Variants in MTA3 observed in about 807,000 individuals in gnomAD.
MTA3 encodes the protein metastasis-associated protein MTA3.
MTA3 carries 34 observed loss-of-function variants against 83.5 expected under a neutral mutation model. The ratio of observed to expected loss-of-function variants is 0.41; its 90% confidence interval spans 0.31 to 0.54. The LOEUF (loss-of-function observed/expected upper bound fraction) is 0.54, where lower values mean the gene tolerates loss of function less well. Ranked by LOEUF, MTA3 falls within the 20% of genes least tolerant of loss-of-function variation. MTA3 has a pLI of 0.33. For missense variants in MTA3, 761 were observed against 726.4 expected (o/e 1.05, Z -0.55); for synonymous variants, 303 against 252.7 (o/e 1.20, Z -1.89).
At position 42,644,311 on chromosome 2, in the gene MTA3, C is replaced by G. The variant is rs1203667796; in HGVS notation, c.499+67C>G. On this transcript the variant is annotated intron_variant, in intron 6 of 16. Coordinates refer to ENST00000405094, the MANE Select transcript of MTA3 (RefSeq NM_001330442.2). ...ATCTTGAAACTCAAATATACATGTC[C>G]TCATGTAGAAGAGGCAATGTTCAGG... The G allele has an allele frequency of 2.6e-5, 26 of 1,017,594 alleles. No individual in the cohort carries two copies. The Admixed American group carries it at 4.6e-4, about 18-fold the overall frequency. The allele number at this position is 1,017,594 out of a possible 1,614,324, so 63.0% of individuals were successfully genotyped here.
At chr2:42,573,446 A>C (rs1191371191) in intron 2 of MTA3, among the ~76,000 whole-genome samples, 1 of 152,146 alleles carries the variant, frequency 6.6e-6, no homozygotes, top group African/African-American at 2.4e-5. Context: ...CCTGGACTCA[A>C]AGCAGTCCTC....
intron 3 of MTA3, among the ~76,000 whole-genome samples, chr2:42,584,584 A>G (rs1336579766): frequency 6.6e-6 from 1 of 150,998 alleles, no homozygotes; most frequent in African/African-American, 2.4e-5. Context: ...TCTGTTGCCC[A>G]TAGTTGAATA....
chr2:42,577,292 G>T (rs932106070), intron 2 of MTA3, among the ~76,000 whole-genome samples: 1 of 151,512 alleles, frequency 6.6e-6, no homozygotes, highest in Non-Finnish European at 1.5e-5. Flanking sequence ...GAGGGGAAGA[G>T]GAATATGGTA....
intron 14 of MTA3, among the ~76,000 whole-genome samples, chr2:42,717,164 T>C (rs1302720659): frequency 7.6e-6 from 1 of 131,362 alleles, no homozygotes; most frequent in Non-Finnish European, 1.6e-5. Context: ...GTGAAAGGGC[T>C]AGAACTCATA....
At chr2:42,651,066 G>T (rs1257349463) in intron 6 of MTA3, among the ~76,000 whole-genome samples, 1 of 152,160 alleles carries the variant, frequency 6.6e-6, no homozygotes, top group Non-Finnish European at 1.5e-5. Context: ...TGTACAGCAT[G>T]TTACTATACT....
intron 9 of MTA3, among the ~76,000 whole-genome samples, chr2:42,691,212 A>G (rs1200605973): frequency 1.3e-5 from 2 of 151,920 alleles, no homozygotes; most frequent in Admixed American, 6.6e-5. Context: ...GGGTTTCACC[A>G]TGTTGGCCAG....
intron 8 of MTA3, among the ~76,000 whole-genome samples, chr2:42,681,067 C>G (rs1691852615): frequency 6.6e-6 from 1 of 152,150 alleles, no homozygotes; most frequent in African/African-American, 2.4e-5. Flanking sequence ...TAAGCTAGAC[C>G]TAAGTAACTT....
At chr2:42,723,291 G>T in intron 16 of MTA3, 1 of 443,470 alleles carries the variant, frequency 2.3e-6, no homozygotes, top group Non-Finnish European at 4.1e-6. Context: ...GTATTTAGCA[G>T]ATTGCTTCTG....
chr2:42,495,239 G>T (rs1350817734), exon 2 of MTA3: 4 of 152,412 alleles, frequency 2.6e-5, no homozygotes, highest in African/African-American at 9.7e-5. Context: ...TAGTGAAAAG[G>T]CAGACAACTG....
chr2:42,521,714 G>T (rs1240567172), intron 2 of MTA3, among the ~76,000 whole-genome samples: 1 of 149,926 alleles, frequency 6.7e-6, no homozygotes, highest in African/African-American at 2.5e-5. Context: ...AATCTAGGCT[G>T]GATAGTGTCC....
chr2:42,742,379 T>G (rs995689962), intron 16 of MTA3, among the ~76,000 whole-genome samples: 2 of 152,184 alleles, frequency 1.3e-5, no homozygotes, highest in Admixed American at 6.5e-5. Context: ...CCTTAGGTGA[T>G]CCGCCTGCCT....
intron 10 of MTA3, among the ~76,000 whole-genome samples, chr2:42,696,951 T>C (rs914457612): frequency 5.3e-5 from 8 of 152,224 alleles, no homozygotes; most frequent in African/African-American, 7.2e-5. Context: ...ATGGAGATGA[T>C]GGTATCAAGG....
intron 2 of MTA3, among the ~76,000 whole-genome samples, chr2:42,557,910 G>A (rs968844274): frequency 2.0e-5 from 3 of 151,970 alleles, no homozygotes; most frequent in African/African-American, 7.2e-5. Flanking sequence ...CCTTGGAGTC[G>A]TCTACACCAT....
chr2:42,681,706 C>G (rs975313733), intron 8 of MTA3, among the ~76,000 whole-genome samples: 2 of 151,680 alleles, frequency 1.3e-5, no homozygotes, highest in Admixed American at 6.6e-5. Flanking sequence ...AGACAGGTCT[C>G]ACTATGTTGC....
intron 2 of MTA3, among the ~76,000 whole-genome samples, chr2:42,561,425 C>G (rs1233631450): frequency 6.6e-6 from 1 of 151,860 alleles, no homozygotes; most frequent in South Asian, 2.1e-4. Context: ...CGGGTTCAAG[C>G]GATTCTCCTG....
intron 4 of MTA3, among the ~76,000 whole-genome samples, chr2:42,638,304 G>T (rs1207952497): frequency 6.6e-6 from 1 of 152,050 alleles, no homozygotes; most frequent in Non-Finnish European, 1.5e-5. Context: ...ATATTCTGTG[G>T]CAGCTGTCGA....
intron 6 of MTA3, among the ~76,000 whole-genome samples, chr2:42,649,903 TC>T (rs1688551448): frequency 6.6e-6 from 1 of 152,226 alleles, no homozygotes; most frequent in South Asian, 2.1e-4. Context: ...AGATAAAAGA[TC>T]AGCGGACCTT....
intron 2 of MTA3, among the ~76,000 whole-genome samples, chr2:42,547,181 C>G (rs1219083189): frequency 3.3e-5 from 5 of 152,172 alleles, no homozygotes; most frequent in Non-Finnish European, 7.3e-5. Flanking sequence ...ATTAAATGAA[C>G]AATTCGCCAA....
At chr2:42,712,010 C>G (rs900614929) in intron 14 of MTA3, among the ~76,000 whole-genome samples, 5 of 152,056 alleles carry the variant, frequency 3.3e-5, no homozygotes. Context: ...TCCCTGTGAG[C>G]TTGAGACTCT....
Sources: gnomAD v4.1 joint callset for allele counts (sites outside exome capture counted in the v4.1 genomes callset) on GRCh38, gnomAD v4.1.1 for gene constraint, MANE v1.5 for transcripts, NCBI Gene and HGNC (gene_info 2026-07-23, HGNC 2026-07-21) for gene names.